SYCP2: variants seen among roughly 807,000 people sequenced by gnomAD.
The protein encoded by SYCP2 is synaptonemal complex protein 2, also known as synaptonemal complex lateral element protein.
In SYCP2, 55 loss-of-function variants were observed where a neutral mutation model predicts 211.3. The ratio of observed to expected loss-of-function variants is 0.26; its 90% confidence interval spans 0.21 to 0.33. SYCP2 has a LOEUF of 0.33. Among genes scored for constraint, SYCP2 ranks in the 10% least tolerant of loss-of-function variants. SYCP2 has a pLI of 1.00. For missense variants in SYCP2, 1,731 were observed against 1,752.0 expected (o/e 0.99, Z 0.21); for synonymous variants, 570 against 555.2 (o/e 1.03, Z -0.37).
chr20:59,919,293 A>G, intron 6 of SYCP2, 111 bp from the exon 7 acceptor site: 1 of 692,662 alleles, frequency 1.4e-6, no homozygotes, highest in Non-Finnish European at 2.5e-6. Flanking sequence ...ATTTTAACTC[A>G]GAGCATAATT....
chr20:59,864,280 T>G lies in SYCP2; in HGVS notation c.*31A>C. On this transcript the variant is annotated 3_prime_UTR_variant, in exon 45 of 45. Coordinates refer to ENST00000357552, the MANE Select transcript of SYCP2 (RefSeq NM_014258.4). The stretch of plus-strand genomic sequence containing the variant: ...CTCAGTTATATACAGAGAATAATAA[T>G]TAGATAAAGTATGGTGATAAAAACT... 1 of 1,405,820 alleles carries G rather than the reference T, an allele frequency of 7.1e-7. No individual in the cohort carries two copies. The highest frequency in any genetic ancestry group is 9.9e-7 in the Non-Finnish European group (1 of 1,009,006). 87.1% of individuals were successfully genotyped at this position (1,405,820 alleles called of 1,614,324 possible).
chr20:59,878,619 T>C lies in SYCP2; in HGVS notation c.2942-574A>G, dbSNP rs189451142. ...CGTGTCCCTTCTGCTAAAAGGTAAT[T>C]ACTGTCCTGAAATCTGCAGGTCTTA... On this transcript the variant is annotated intron_variant, in intron 31 of 44. Transcript: ENST00000357552. Among the ~76,000 whole-genome samples, 204 of 152,232 alleles carry C rather than the reference T, an allele frequency of 1.3e-3. 1 individual carries two copies. The highest frequency in any genetic ancestry group is 6.8e-3 in the Middle Eastern group (2 of 294).
At chr20:59,900,869 C>A in intron 16 of SYCP2, 51 bp from the exon 17 acceptor site, 1 of 1,275,250 alleles carries the variant, frequency 7.8e-7, no homozygotes, top group Non-Finnish European at 1.1e-6. Flanking sequence ...TTTCTTTCCA[C>A]TTTTTCATAT....
At chr20:59,867,470 A>G (rs1322948622) in intron 39 of SYCP2, among the ~76,000 whole-genome samples, 1 of 150,742 alleles carries the variant, frequency 6.6e-6, no homozygotes, top group Non-Finnish European at 1.5e-5. Flanking sequence ...AAAAAAAAAA[A>G]TCACAGAAAA....
At chr20:59,895,392 A>G in intron 20 of SYCP2, 45 bp downstream of exon 20, 1 of 1,511,530 alleles carries the variant, frequency 6.6e-7, no homozygotes, top group Non-Finnish European at 8.9e-7. Context: ...TATTTCCACA[A>G]TTACTTGAAA....
intron 7 of SYCP2, among the ~76,000 whole-genome samples, chr20:59,917,225 A>G (rs555947851): frequency 2.0e-5 from 3 of 152,304 alleles, no homozygotes; most frequent in East Asian, 3.9e-4. Flanking sequence ...TTTTAGTTAT[A>G]CATCAAAAAT....
At chr20:59,879,248 C>A (rs2059618388) in intron 31 of SYCP2, among the ~76,000 whole-genome samples, 1 of 151,988 alleles carries the variant, frequency 6.6e-6, no homozygotes, top group South Asian at 2.1e-4. Flanking sequence ...GTACCAAATA[C>A]TTCAATACTG....
At chr20:59,916,619 TTAAC>T (rs1166505201) in intron 7 of SYCP2, 48 bp from the exon 8 acceptor site, 1 of 1,248,310 alleles carries the variant, frequency 8.0e-7, no homozygotes, top group Admixed American at 1.7e-5. Context: ...TCAAATCCTC[TTAAC>T]TGTCAGTCTT....
In SYCP2 at chr20:59,892,143, C is replaced by CA; in HGVS notation, c.2210dup (p.Ile738AspfsTer3). 6.2e-7 allele frequency: 1 copy of CA among 1,612,110 alleles called. No individual in the cohort carries two copies. Among genetic ancestry groups the CA allele is most frequent in the Non-Finnish European group, 8.5e-7 (1 of 1,178,942 alleles). ...ACAATATGTATTTCTTCCTATATAT[C>CA]AGCGATTCTTCAATTGTCTTATTTA... On this transcript the variant is annotated frameshift_variant, in exon 24 of 45. Transcript: ENST00000357552. LOFTEE classifies it high-confidence loss of function.
intron 15 of SYCP2, among the ~76,000 whole-genome samples, chr20:59,904,362 C>T (rs1260311312): frequency 1.3e-5 from 2 of 152,080 alleles, no homozygotes; most frequent in African/African-American, 4.8e-5. Flanking sequence ...ACTGTATCTT[C>T]CACAGTCTCT....
At chr20:59,925,483 C>T (rs939644160) in intron 2 of SYCP2, among the ~76,000 whole-genome samples, 1 of 152,070 alleles carries the variant, frequency 6.6e-6, no homozygotes, top group Admixed American at 6.6e-5. Context: ...TTCTCTTGTA[C>T]ATTATTCACA....
chr20:59,927,704 T>TGAGTATACC (rs745779291), intron 2 of SYCP2, among the ~76,000 whole-genome samples: 28 of 152,260 alleles, frequency 1.8e-4, no homozygotes, highest in Admixed American at 3.9e-4. Context: ...TGAGAAAGAC[T>TGAGTATACC]GAGTATACCA....
At chr20:59,882,224 C>CA (rs1284226584) in intron 26 of SYCP2, 59 bp from the exon 27 acceptor site, 44 of 1,207,622 alleles carry the variant, frequency 3.6e-5, no homozygotes, top group Admixed American at 1.9e-4. Flanking sequence ...AAAAAATGCT[C>CA]AACAGCACTA....
chr20:59,931,095 C>T (rs1432902978), intron 2 of SYCP2, among the ~76,000 whole-genome samples: 1 of 152,182 alleles, frequency 6.6e-6, no homozygotes, highest in Non-Finnish European at 1.5e-5. Context: ...ATTCAGTTAT[C>T]TTTGGTACTT....
rs767380627 is a variant in SYCP2, at chr20:59,893,610, C to T, written c.1666-17G>A. The stretch of plus-strand genomic sequence containing the variant: ...TTTGATATGCTGTAAACACAGGAAA[C>T]AGGTTAACGTAAACTTAAGATGTTA... On this transcript the variant is annotated splice_polypyrimidine_tract_variant and intron_variant, in intron 20 of 44. Coordinates refer to ENST00000357552, the MANE Select transcript of SYCP2 (RefSeq NM_014258.4). The T allele has an allele frequency of 6.3e-7, 1 of 1,585,248 alleles. No individual in the cohort carries two copies. Among genetic ancestry groups the T allele is most frequent in the Non-Finnish European group, 8.6e-7 (1 of 1,159,606 alleles).
In SYCP2 at chr20:59,901,440, G is replaced by A. The variant is rs542289155; in HGVS notation, c.1182+222C>T. On this transcript the variant is annotated intron_variant, in intron 16 of 44. Coordinates refer to ENST00000357552, the MANE Select transcript of SYCP2 (RefSeq NM_014258.4). ...AACACCTGGCAGAAATTCATTAAAT[G>A]TTTTGAGCAGCTGCTGCTAATTTTG... 3.3e-5 allele frequency among the ~76,000 whole-genome samples: 5 copies of A among 152,164 alleles called. No individual in the cohort carries two copies. The East Asian group carries it at 9.6e-4, about 29-fold the overall frequency.
intron 38 of SYCP2, 82 bp downstream of exon 38, chr20:59,868,331 T>C (rs2059389220): frequency 1.4e-6 from 2 of 1,416,544 alleles, no homozygotes; most frequent in Non-Finnish European, 9.6e-7. Flanking sequence ...TTTACAAATT[T>C]GTTTTGTAAA....
chr20:59,873,498 C>G (rs908481759), intron 35 of SYCP2, among the ~76,000 whole-genome samples: 1 of 152,128 alleles, frequency 6.6e-6, no homozygotes, highest in Non-Finnish European at 1.5e-5. Context: ...CAGAATTACA[C>G]ACAATGTAAA....
chr20:59,891,123 ATTGTGTGAACATT>A (rs1382327622), intron 24 of SYCP2, among the ~76,000 whole-genome samples: 1 of 151,980 alleles, frequency 6.6e-6, no homozygotes, highest in Non-Finnish European at 1.5e-5. Flanking sequence ...GAGAGGTTAC[ATTGTGTGAACATT>A]TTACATTGAC....
Sources: gnomAD v4.1 joint callset for allele counts (sites outside exome capture counted in the v4.1 genomes callset) on GRCh38, gnomAD v4.1.1 for gene constraint, MANE v1.5 for transcripts, NCBI Gene and HGNC (gene_info 2026-07-23, HGNC 2026-07-21) for gene names.